Variants in MSL1 observed in about 807,000 individuals in gnomAD.
MSL1 encodes MSL complex subunit 1, also known as male-specific lethal 1 homolog.
Under a neutral mutation model 64.6 loss-of-function variants are expected in MSL1, and 21 were observed. The ratio of observed to expected loss-of-function variants is 0.33; its 90% CI spans 0.23 to 0.47. MSL1 has a LOEUF of 0.47. Among genes scored for constraint, MSL1 ranks in the 20% least tolerant of loss-of-function variants. The pLI is 1.00. For missense variants in MSL1, 664 were observed against 793.2 expected, an observed-to-expected ratio of 0.84 and a Z score of 1.96; for synonymous variants, 339 against 329.6, an observed-to-expected ratio of 1.03 and a Z score of -0.31.
At position 40,129,354 on chromosome 17, in the gene MSL1, C is replaced by A. The variant is rs1280260665; in HGVS notation, c.1102C>A (p.Pro368Thr). The A allele has an allele frequency of 6.2e-7, 1 of 1,612,930 alleles. No individual in the cohort carries two copies. The highest frequency in any genetic ancestry group is 8.5e-7 in the Non-Finnish European group (1 of 1,179,652). ...TAAGCACTCTCCTATTAAAGAGGAA[C>A]CCTGTGGTTCCTTATCTGAAACTGT... Reference protein sequence around the residue: ...TPKHSPIKEEPCGSLSETVCK... With the variant: ...TPKHSPIKEETCGSLSETVCK... The change falls in exon 3 of 9, where the codon CCC becomes ACC. Residue 368 changes from proline to threonine, a missense_variant. This residue lies in a region of MSL1 where 466 missense variants were observed against 499.0 expected (regional missense o/e 0.93). Transcript: ENST00000398532.
chr17:40,123,475 A>AG, intron 1 of MSL1, 95 bp downstream of exon 1: 1 of 1,264,962 alleles, frequency 7.9e-7, no homozygotes, highest in Non-Finnish European at 1.1e-6. Context: ...CCCCCGGGTT[A>AG]GGGGTAAAGG....
intron 3 of MSL1, 97 bp downstream of exon 3, chr17:40,129,724 A>G (rs1598412026): frequency 2.3e-6 from 3 of 1,304,884 alleles, no homozygotes; most frequent in South Asian, 3.2e-5. Flanking sequence ...AGTGCAATCA[A>G]TAAAGCAGAG....
rs1410997272 is a variant in MSL1, at chr17:40,131,342, A to AAAT, written c.1376-195_1376-194insAAT. ...AAGTCGTCTCAGTGTAAAAAAAAAA[A>AAAT]GTGGTGGGCTTATTTTCTTTTCTTT... On this transcript the variant is annotated intron_variant, in intron 3 of 8. Transcript: ENST00000398532. This position sits in a 1 kb window ranked among gnomAD's most constrained non-coding sequence, Gnocchi z 4.5. 1 of 490,990 alleles carries AAAT rather than the reference A, an allele frequency of 2.0e-6. No homozygotes were observed. The highest frequency in any genetic ancestry group is 3.2e-5 in the East Asian group (1 of 31,326). The allele number at this position is 490,990 out of a possible 1,614,324, so 30.4% of individuals were successfully genotyped here. A position where few individuals can be genotyped will look rare whatever the true frequency, so the allele number is the denominator to read the frequency against.
chr17:40,122,231 G>GGCGGGGAAGGGGGGGT lies in MSL1; in HGVS notation c.-375_-360dup, dbSNP rs1988188211. On this transcript the variant is annotated 5_prime_UTR_variant, in exon 1 of 9. Coordinates refer to ENST00000398532, the MANE Select transcript of MSL1 (RefSeq NM_001365919.1). This position sits in a 1 kb window ranked among gnomAD's most constrained non-coding sequence, Gnocchi z 4.2. The stretch of plus-strand genomic sequence containing the variant: ...GGCGAGCTCCGGGGCGGGGGGCCGG[G>GGCGGGGAAGGGGGGGT]GCGGGGAAGGGGGGGTGCGGGGTGG... 1 of 149,028 alleles carries GGCGGGGAAGGGGGGGT rather than the reference G, an allele frequency of 6.7e-6. No homozygotes were observed. The highest frequency in any genetic ancestry group is 1.5e-5 in the Non-Finnish European group (1 of 66,736). The allele number at this position is 149,028 out of a possible 1,614,324, so 9.2% of individuals were successfully genotyped here.
At position 40,122,923 on chromosome 17, in the gene MSL1, G is replaced by C. The variant is rs1310249798; in HGVS notation, c.311G>C (p.Cys104Ser). The change falls in exon 1 of 9, where the codon TGT becomes TCT. Residue 104 changes from cysteine (C) to serine (S), a missense_variant. By Grantham distance (112) the Cys-to-Ser change is moderately radical. Around this residue, in one of 4 missense-constraint regions of MSL1, gnomAD observed 466 missense variants for 499.0 expected, o/e 0.93. Transcript: ENST00000398532. The surrounding 1 kb of genome is among the most constrained non-coding windows in gnomAD (Gnocchi z 4.2). ...TGGGGCGGTTCGGTGCCCTTGCCCT[G>C]TCCGCCCCCGGCCACCAAGCAAGCC... ...ESWGGSVPLP[C>S]PPPATKQAGI... is the part of the protein sequence containing the mutation. The C allele has an allele frequency of 6.6e-7, 1 of 1,515,994 alleles. No individual in the cohort carries two copies. The highest frequency in any genetic ancestry group is 8.8e-7 in the Non-Finnish European group (1 of 1,139,264). The allele number at this position is 1,515,994 out of a possible 1,614,324, so 93.9% of individuals were successfully genotyped here. A position where few individuals can be genotyped will look rare whatever the true frequency, so the allele number is the denominator to read the frequency against.
intron 3 of MSL1, chr17:40,130,161 G>A (rs1988411686): frequency 6.6e-6 from 1 of 152,238 alleles, no homozygotes; most frequent in Non-Finnish European, 1.5e-5. Context: ...TGGGGGGCAG[G>A]AGGAATCTGC....
intron 8 of MSL1, among the ~76,000 whole-genome samples, 181 bp downstream of exon 8, chr17:40,134,080 A>G (rs571333662): frequency 2.0e-5 from 3 of 152,298 alleles, no homozygotes; most frequent in African/African-American, 7.2e-5. Context: ...AATTAGGAGT[A>G]TTGCTTTTTG....
chr17:40,133,400 T>G, intron 6 of MSL1, 134 bp from the exon 7 acceptor site: 1 of 1,158,174 alleles, frequency 8.6e-7, no homozygotes, highest in Non-Finnish European at 1.2e-6. Context: ...AGGCAGTCAT[T>G]TCTCTTTACC....
chr17:40,122,455 C>T lies in MSL1; in HGVS notation c.-158C>T, dbSNP rs1242762878. On this transcript the variant is annotated 5_prime_UTR_variant, in exon 1 of 9. Transcript: ENST00000398532. The surrounding 1 kb of genome is among the most constrained non-coding windows in gnomAD (Gnocchi z 4.2). ...TCTCCGCACGCCGGCGGGATGGCGC[C>T]CGGGCCCCGGAGGAGCCGCGCTAGC... 47 of 468,566 alleles carry T rather than the reference C, an allele frequency of 1.0e-4. No individual in the cohort carries two copies. Among genetic ancestry groups the T allele is most frequent in the Non-Finnish European group, 1.6e-4 (45 of 286,382 alleles). 29.0% of individuals were successfully genotyped at this position (468,566 alleles called of 1,614,324 possible). A position where few individuals can be genotyped will look rare whatever the true frequency, so the allele number is the denominator to read the frequency against.
At chr17:40,134,161 C>A in intron 8 of MSL1, 118 bp from the exon 9 acceptor site, 1 of 849,222 alleles carries the variant, frequency 1.2e-6, no homozygotes, top group South Asian at 1.6e-5. Flanking sequence ...GAAAGACACT[C>A]CAAACTAGTC....
At chr17:40,129,748 G>A (rs1988403325) in intron 3 of MSL1, 121 bp downstream of exon 3, 1 of 1,107,740 alleles carries the variant, frequency 9.0e-7, no homozygotes, top group Non-Finnish European at 1.2e-6. Context: ...TGTCAAGAAT[G>A]AGTAAGTTAA....
Position 40,129,307 on chromosome 17 carries a change from C to T in MSL1, c.1055C>T (p.Ser352Leu). The change falls in exon 3 of 9, where the codon TCA (serine) becomes TTA (leucine). Residue 352 changes from serine to leucine, a missense_variant. Ser to Leu is a moderately radical substitution (Grantham distance 145). Around this residue, in one of 4 missense-constraint regions of MSL1, gnomAD observed 466 missense variants for 499.0 expected, o/e 0.93. Transcript: ENST00000398532. ...GTTAAAAAGCTGGCTCCTGAATTTT[C>T]AAAAGTCAAAACAAAAACTCCTAAG... is the stretch of plus-strand genomic sequence containing the variant. ...TPVKKLAPEF[S>L]KVKTKTPKHS... 2 of 1,581,990 alleles carry T rather than the reference C, an allele frequency of 1.3e-6. No individual in the cohort carries two copies. The highest frequency in any genetic ancestry group is 2.2e-5 in the East Asian group (1 of 44,542).
In MSL1 at chr17:40,134,293, C is replaced by G; in HGVS notation, c.1769C>G (p.Pro590Arg). The G allele has an allele frequency of 6.4e-7, 1 of 1,555,802 alleles. No individual in the cohort carries two copies. Among genetic ancestry groups the G allele is most frequent in the Non-Finnish European group, 8.7e-7 (1 of 1,149,266 alleles). ...PKLTPQNFEL[P>R]WLDERSRCRL... Reference sequence around the variant, plus strand: ...TTTTTTGCCAGGAATTTTGAGCTACCCTGGTTGGATGAGCGTAGCCGATGC... The same window carrying G: ...TTTTTTGCCAGGAATTTTGAGCTACGCTGGTTGGATGAGCGTAGCCGATGC... The change falls in exon 9 of 9, where the codon CCC becomes CGC. Residue 590 changes from proline (P) to arginine (R), a missense_variant. Coordinates refer to ENST00000398532, the MANE Select transcript of MSL1 (RefSeq NM_001365919.1).
At chr17:40,126,477 A>G (rs1988318460) in intron 2 of MSL1, 71 bp downstream of exon 2, 4 of 1,411,900 alleles carry the variant, frequency 2.8e-6, no homozygotes, top group Non-Finnish European at 4.0e-6. Context: ...GGGATTTATG[A>G]ATTGGTTTTA....
intron 1 of MSL1, 85 bp downstream of exon 1, chr17:40,123,465 C>A: frequency 7.3e-7 from 1 of 1,372,896 alleles, no homozygotes; most frequent in Non-Finnish European, 9.9e-7. Context: ...GGTTAAGGCA[C>A]CCCCGGGTTA....
At position 40,134,418 on chromosome 17, in the gene MSL1, C is replaced by A; in HGVS notation, c.*49C>A. 6.7e-7 allele frequency: 1 copy of A among 1,484,212 alleles called. No individual in the cohort carries two copies. Among genetic ancestry groups the A allele is most frequent in the South Asian group, 1.2e-5 (1 of 82,532 alleles). The allele number at this position is 1,484,212 out of a possible 1,614,324, so 91.9% of individuals were successfully genotyped here. On this transcript the variant is annotated 3_prime_UTR_variant, in exon 9 of 9. Transcript: ENST00000398532. ...TCAGATAGTTGTAGCATGCCATTCC[C>A]GAGAGTGGCAGAGACCTGTATATGT...
At chr17:40,125,326 T>G (rs1173529228) in intron 1 of MSL1, among the ~76,000 whole-genome samples, 1 of 152,226 alleles carries the variant, frequency 6.6e-6, no homozygotes, top group Non-Finnish European at 1.5e-5. Flanking sequence ...ATTTCTATTT[T>G]CCAAATGAAA....
rs1483857444 is a variant in MSL1, at chr17:40,135,358, A to G, written c.*989A>G. The G allele has an allele frequency of 1.3e-5, 2 of 152,406 alleles. No homozygotes were observed. Among genetic ancestry groups the G allele is most frequent in the African/African-American group, 4.8e-5 (2 of 41,544 alleles). The allele number at this position is 152,406 out of a possible 1,614,324, so 9.4% of individuals were successfully genotyped here. On this transcript the variant is annotated 3_prime_UTR_variant, in exon 9 of 9. Transcript: ENST00000398532. ...CTTTGTAAAAATAATTTGTATGTGT[A>G]CCATCTTGGTCCTCTCCCCTCCCGT...
At chr17:40,132,364 G>A (rs572134045) in intron 5 of MSL1, among the ~76,000 whole-genome samples, 2 of 152,324 alleles carry the variant, frequency 1.3e-5, no homozygotes, top group African/African-American at 4.8e-5. Flanking sequence ...AGGGCTGGGT[G>A]TGGTGGCTTA....
Sources: gnomAD v4.1 joint callset for allele counts (sites outside exome capture counted in the v4.1 genomes callset) on GRCh38, gnomAD v4.1.1 for gene constraint, gnomAD v4.1.1 regional missense constraint, Gnocchi (gnomAD v3.1) non-coding constraint, MANE v1.5 for transcripts, NCBI Gene and HGNC (gene_info 2026-07-23, HGNC 2026-07-21) for gene names.